Variants in NEK10 observed in about 807,000 individuals in gnomAD.
NEK10 encodes serine/threonine-protein kinase Nek10.
In NEK10, 122 loss-of-function variants were observed where a neutral mutation model predicts 159.8. That is an observed-to-expected ratio of 0.76 (90% CI 0.66 to 0.89). NEK10 has a LOEUF of 0.89. Among genes scored for constraint, NEK10 ranks in the 40% least tolerant of loss-of-function variants. The probability of loss-of-function intolerance (pLI) is 0.00; values close to 1 mark genes in which losing one functional copy is unlikely to be tolerated. For missense variants in NEK10, 1,342 were observed against 1,323.1 expected, an observed-to-expected ratio of 1.01 and a Z score of -0.22; for synonymous variants, 466 against 457.1, an observed-to-expected ratio of 1.02 and a Z score of -0.25.
At chr3:27,228,636 G>A (rs1015192221) in intron 23 of NEK10, among the ~76,000 whole-genome samples, 1 of 152,086 alleles carries the variant, frequency 6.6e-6, no homozygotes, top group African/African-American at 2.4e-5. Flanking sequence ...AAAATGGAGG[G>A]CATCAACCTA....
chr3:27,354,349 G>A (rs1047606300), intron 1 of NEK10, among the ~76,000 whole-genome samples: 1 of 152,132 alleles, frequency 6.6e-6, no homozygotes, highest in Non-Finnish European at 1.5e-5. Flanking sequence ...AGGAAATAAT[G>A]ATCTAATCGT....
intron 22 of NEK10, among the ~76,000 whole-genome samples, chr3:27,273,590 T>G (rs1010562914): frequency 2.0e-5 from 3 of 152,188 alleles, no homozygotes; most frequent in African/African-American, 7.2e-5. Flanking sequence ...CTTCAAAGCA[T>G]AGCTAAAAAT....
intron 23 of NEK10, chr3:27,252,979 C>A (rs543258204): frequency 2.4e-5 from 11 of 450,526 alleles, no homozygotes; most frequent in South Asian, 1.6e-4. Context: ...TTATAGCTTT[C>A]TTAAGAATTC....
intron 22 of NEK10, among the ~76,000 whole-genome samples, chr3:27,261,007 G>A (rs868774939): frequency 2.9e-4 from 44 of 152,124 alleles, no homozygotes; most frequent in Middle Eastern, 3.4e-3. Flanking sequence ...GTTTATTTGC[G>A]TAGAGGTGTT....
At chr3:27,244,997 C>T (rs1187148697) in intron 23 of NEK10, among the ~76,000 whole-genome samples, 2 of 152,136 alleles carry the variant, frequency 1.3e-5, no homozygotes, top group East Asian at 3.9e-4. Flanking sequence ...TTTATCCTTC[C>T]TTGGTACTGT....
At chr3:27,367,059 C>T (rs1257283273) in intron 1 of NEK10, among the ~76,000 whole-genome samples, 5 of 152,114 alleles carry the variant, frequency 3.3e-5, no homozygotes, top group East Asian at 1.9e-4. Context: ...ATCCACCCAC[C>T]TCATCGTCCC....
At chr3:27,357,620 A>T (rs934588694) in intron 1 of NEK10, among the ~76,000 whole-genome samples, 14 of 152,200 alleles carry the variant, frequency 9.2e-5, no homozygotes. Flanking sequence ...GGCAATGCTG[A>T]AGTGCTGTAA....
intron 23 of NEK10, among the ~76,000 whole-genome samples, chr3:27,209,932 GCTAGGGTTT>G (rs1950859733): frequency 6.6e-6 from 1 of 152,098 alleles, no homozygotes; most frequent in Non-Finnish European, 1.5e-5. Context: ...GAAATAAACA[GCTAGGGTTT>G]CTCTGAGCCC....
intron 20 of NEK10, among the ~76,000 whole-genome samples, chr3:27,286,565 TTTTA>T (rs1302643690): frequency 6.9e-6 from 1 of 144,916 alleles, no homozygotes. Context: ...TTTTTTTTTT[TTTTA>T]AGTAGAGACA....
At chr3:27,348,919 C>T (rs182467497) in intron 3 of NEK10, among the ~76,000 whole-genome samples, 244 of 152,260 alleles carry the variant, frequency 1.6e-3, no homozygotes, top group African/African-American at 5.5e-3. Flanking sequence ...CAAACTAATT[C>T]ATCTGCTAAA....
At chr3:27,330,730 CGG>C in intron 5 of NEK10, among the ~76,000 whole-genome samples, 1 of 152,108 alleles carries the variant, frequency 6.6e-6, no homozygotes, top group Non-Finnish European at 1.5e-5. Context: ...GAGGTGGAGA[CGG>C]AGTGCTTCAG....
At chr3:27,289,253 C>G (rs2042832025) in intron 19 of NEK10, among the ~76,000 whole-genome samples, 1 of 152,226 alleles carries the variant, frequency 6.6e-6, no homozygotes, top group Admixed American at 6.5e-5. Context: ...AAATAACCCA[C>G]TGTACTGTGA....
intron 23 of NEK10, chr3:27,252,991 A>C (rs1455107245): frequency 4.6e-6 from 2 of 437,656 alleles, no homozygotes; most frequent in Non-Finnish European, 9.1e-6. Context: ...TAAGAATTCT[A>C]TCAACTTTAT....
At chr3:27,324,685 C>T (rs1248123266) in intron 5 of NEK10, among the ~76,000 whole-genome samples, 1 of 152,080 alleles carries the variant, frequency 6.6e-6, no homozygotes, top group Non-Finnish European at 1.5e-5. Context: ...CCAGCTTTGC[C>T]CCTTCCTTTA....
chr3:27,363,665 A>G (rs1559566936), intron 1 of NEK10: 2 of 152,210 alleles, frequency 1.3e-5, no homozygotes, highest in South Asian at 2.1e-4. Context: ...AAAGTATTAC[A>G]TTGATGTTAA....
intron 19 of NEK10, among the ~76,000 whole-genome samples, chr3:27,289,515 A>C (rs1482618099): frequency 6.6e-6 from 1 of 152,192 alleles, no homozygotes; most frequent in Non-Finnish European, 1.5e-5. Flanking sequence ...AAATGTGCTA[A>C]AACAAATAAT....
chr3:27,121,210 G>A (rs966619006), intron 32 of NEK10, among the ~76,000 whole-genome samples: 7 of 152,200 alleles, frequency 4.6e-5, no homozygotes, highest in African/African-American at 1.7e-4. Context: ...AGAATGGATA[G>A]ATATATATCA....
At chr3:27,273,201 A>G (rs2041509384) in intron 22 of NEK10, among the ~76,000 whole-genome samples, 1 of 152,216 alleles carries the variant, frequency 6.6e-6, no homozygotes. Flanking sequence ...AAGACCCTGC[A>G]GCCATGTTCA....
At chr3:27,144,348 A>C (rs2125594239) in intron 30 of NEK10, among the ~76,000 whole-genome samples, 1 of 152,302 alleles carries the variant, frequency 6.6e-6, no homozygotes, top group East Asian at 1.9e-4. Flanking sequence ...CTTTGCTTTC[A>C]ATTTCTCATG....
Sources: gnomAD v4.1 joint callset for allele counts (sites outside exome capture counted in the v4.1 genomes callset) on GRCh38, gnomAD v4.1.1 for gene constraint, MANE v1.5 for transcripts, NCBI Gene and HGNC (gene_info 2026-07-23, HGNC 2026-07-21) for gene names.